The following SAFB2 variants were observed in gnomAD, a reference collection of about 807,000 sequenced individuals.
SAFB2 encodes scaffold attachment factor B2.
A neutral mutation model predicts 100.6 loss-of-function variants in SAFB2; 32 were observed. That is an observed-to-expected ratio of 0.32 (90% CI 0.24 to 0.43). The LOEUF (loss-of-function observed/expected upper bound fraction) is 0.43, where lower values mean the gene tolerates loss of function less well. SAFB2 is among the 20% of genes least tolerant of loss of function. The pLI, the probability that SAFB2 is intolerant of heterozygous loss-of-function variation, is 1.00. For missense variants in SAFB2, 1,185 were observed against 1,163.4 expected (o/e 1.02, Z -0.27); for synonymous variants, 500 against 439.4 (o/e 1.14, Z -1.72).
At chr19:5,592,966 G>A in intron 15 of SAFB2, 79 bp from the exon 16 acceptor site, 1 of 1,410,582 alleles carries the variant, frequency 7.1e-7, no homozygotes, top group Non-Finnish European at 9.9e-7. Context: ...TGGAGGTGGG[G>A]AGGGGAGCTC....
chr19:5,622,599 C>T lies in SAFB2; in HGVS notation c.117G>A (p.Arg39=). Residue 39 remains arginine, a synonymous_variant, in exon 1 of 21, where the codon CGG becomes CGA. Transcript: ENST00000252542. ...RLSELRVIDL[R]AELKKRNLDT... is the part of the protein sequence containing the mutation. ...CCAGGTTCCGCTTCTTCAGCTCCGC[C>T]CGCAGATCGATCACCCGCAGCTCGC... 6.2e-7 allele frequency: 1 copy of T among 1,613,462 alleles called. No homozygotes were observed. The highest frequency in any genetic ancestry group is 8.5e-7 in the Non-Finnish European group (1 of 1,179,802).
intron 1 of SAFB2, among the ~76,000 whole-genome samples, chr19:5,622,106 A>G (rs2053167594): frequency 1.3e-5 from 2 of 152,212 alleles, no homozygotes; most frequent in African/African-American, 4.8e-5. Flanking sequence ...TAAAGGCCAA[A>G]GCCCTGGGGC....
intron 14 of SAFB2, 88 bp downstream of exon 14, chr19:5,595,273 C>G: frequency 6.6e-7 from 1 of 1,516,842 alleles, no homozygotes; most frequent in Non-Finnish European, 8.8e-7. Flanking sequence ...CTCGGGCACA[C>G]AGACTGCGCA....
In SAFB2 at chr19:5,591,809, A is replaced by T. The variant is rs911901228; in HGVS notation, c.2349-16T>A. The T allele has an allele frequency of 6.2e-7, 1 of 1,613,838 alleles. No homozygotes were observed. The highest frequency in any genetic ancestry group is 8.5e-7 in the Non-Finnish European group (1 of 1,179,870). On this transcript the variant is annotated splice_polypyrimidine_tract_variant and intron_variant, in intron 16 of 20. Coordinates refer to ENST00000252542, the MANE Select transcript of SAFB2 (RefSeq NM_014649.3). Reference sequence around the variant, plus strand: ...ACCCTCCCGCCTGCAAAAGGAAAAGATCCCGTTCAAACAGCACCAGGCACG... The same window carrying T: ...ACCCTCCCGCCTGCAAAAGGAAAAGTTCCCGTTCAAACAGCACCAGGCACG...
At chr19:5,601,113 G>A (rs960020985) in intron 11 of SAFB2, among the ~76,000 whole-genome samples, 6 of 152,228 alleles carry the variant, frequency 3.9e-5, no homozygotes, top group East Asian at 1.9e-4. Context: ...CGTCTCCTCT[G>A]CCCTTCTCAA....
chr19:5,600,299 ACT>A, intron 11 of SAFB2, 39 bp from the exon 12 acceptor site: 1 of 1,605,310 alleles, frequency 6.2e-7, no homozygotes, highest in East Asian at 2.2e-5. Flanking sequence ...AGTTCACAAG[ACT>A]CTGTAACAGG....
At chr19:5,598,710 G>T in intron 13 of SAFB2, 83 bp downstream of exon 13, 2 of 1,253,590 alleles carry the variant, frequency 1.6e-6, no homozygotes, top group Middle Eastern at 1.9e-4. Flanking sequence ...GCAAAACAGT[G>T]CTGTTTTCAT....
chr19:5,598,684 A>G, intron 13 of SAFB2, 109 bp downstream of exon 13: 1 of 993,612 alleles, frequency 1.0e-6, no homozygotes, highest in Non-Finnish European at 1.6e-6. Context: ...GCCTCCTACA[A>G]ACTTCAATTT....
chr19:5,600,359 A>G (rs2285969), intron 11 of SAFB2, 99 bp from the exon 12 acceptor site: 288,973 of 1,490,440 alleles, frequency 0.19, 28,839 homozygotes, highest in Non-Finnish European at 0.21. Flanking sequence ...ACGTCCACAC[A>G]AAACAAATCA....
At chr19:5,607,023 A>G (rs4807798) in intron 9 of SAFB2, among the ~76,000 whole-genome samples, 3,079 of 152,294 alleles carry the variant, frequency 0.02, 56 homozygotes, top group Non-Finnish European at 0.029. Context: ...GCACTTTGGG[A>G]GGCCGAGGTG....
In SAFB2 at chr19:5,587,253, C is replaced by T. The variant is rs777236403; in HGVS notation, c.2852G>A (p.Arg951His). ...PHPPPYPHFTRRY is the reference protein window; with the variant it reads ...PHPPPYPHFTHRY ...CGCAGCGAGTGGGACTTAGTAGCGG[C>T]GGGTGAAGTGGGGGTACGGGGGGGG... Residue 951 changes from arginine (R) to histidine (H), a missense_variant, in exon 21 of 21, where the codon CGC becomes CAC. Physicochemically the swap from Arg to His is conservative, Grantham distance 29. Around this residue, in one of 3 missense-constraint regions of SAFB2, gnomAD observed 740 missense variants for 687.1 expected, o/e 1.08. Transcript: ENST00000252542. The surrounding 1 kb of genome is among the most constrained non-coding windows in gnomAD (Gnocchi z 4.9). The T allele has an allele frequency of 1.6e-5, 26 of 1,612,356 alleles. No homozygotes were observed. Among genetic ancestry groups the T allele is most frequent in the Admixed American group, 3.3e-5 (2 of 59,958 alleles).
At chr19:5,606,552 G>A (rs1291649999) in intron 9 of SAFB2, among the ~76,000 whole-genome samples, 4 of 152,090 alleles carry the variant, frequency 2.6e-5, no homozygotes, top group African/African-American at 9.7e-5. Flanking sequence ...GCTTGAGCCC[G>A]GGAGCTCGAG....
chr19:5,608,707 G>A (rs1220701254), intron 9 of SAFB2, among the ~76,000 whole-genome samples: 1 of 152,162 alleles, frequency 6.6e-6, no homozygotes, highest in East Asian at 1.9e-4. Context: ...TCCCTTGGAA[G>A]CCACTCCCCA....
chr19:5,598,695 TA>T, intron 13 of SAFB2, 97 bp downstream of exon 13: 1 of 1,140,844 alleles, frequency 8.8e-7, no homozygotes, highest in Admixed American at 1.9e-5. Context: ...ACTTCAATTT[TA>T]AAGGCAAAAC....
Position 5,605,921 on chromosome 19 carries a change from C to T in SAFB2, c.1297-985G>A, listed in dbSNP as rs540654451. Among the ~76,000 whole-genome samples, 15 of 152,276 alleles carry T rather than the reference C, an allele frequency of 9.9e-5. No homozygotes were observed. In the South Asian group the frequency reaches 2.9e-3, roughly 29 times the overall value. Reference sequence around the variant, plus strand: ...GAACTGAGTATCAGAGAGGACACAGCCACACAGAGCCACGCAGAGCAAGCT... The same window carrying T: ...GAACTGAGTATCAGAGAGGACACAGTCACACAGAGCCACGCAGAGCAAGCT... On this transcript the variant is annotated intron_variant, in intron 9 of 20. Transcript: ENST00000252542.
chr19:5,598,210 G>A (rs1033977912), intron 13 of SAFB2, among the ~76,000 whole-genome samples: 4 of 151,568 alleles, frequency 2.6e-5, no homozygotes, highest in African/African-American at 4.9e-5. Flanking sequence ...CTCCACATTC[G>A]TTAAAAAAGT....
At chr19:5,614,529 A>T (rs1237172406) in intron 4 of SAFB2, among the ~76,000 whole-genome samples, 4 of 152,250 alleles carry the variant, frequency 2.6e-5, no homozygotes, top group Non-Finnish European at 1.5e-5. Flanking sequence ...CCAGTTGCTC[A>T]GTGCTGCCCT....
intron 1 of SAFB2, 145 bp downstream of exon 1, chr19:5,622,385 C>A: frequency 1.4e-6 from 1 of 706,160 alleles, no homozygotes; most frequent in Non-Finnish European, 2.2e-6. Context: ...ACAGCCGGCC[C>A]CCTGGGTGCC....
intron 9 of SAFB2, 44 bp from the exon 10 acceptor site, chr19:5,604,980 C>A: frequency 6.3e-7 from 1 of 1,593,852 alleles, no homozygotes. Flanking sequence ...CAAATGACCA[C>A]ACAACTTGCT....
Sources: allele counts gnomAD v4.1 joint callset (sites outside exome capture counted in the v4.1 genomes callset), GRCh38; gene constraint gnomAD v4.1.1; regional missense constraint gnomAD v4.1.1; non-coding constraint Gnocchi (gnomAD v3.1); transcripts MANE v1.5; gene names NCBI Gene and HGNC (gene_info 2026-07-23, HGNC 2026-07-21).